Variants in SLC24A3 observed in about 807,000 individuals in gnomAD.
The protein encoded by SLC24A3 is solute carrier family 24 member 3.
Under a neutral mutation model 75.8 loss-of-function variants are expected in SLC24A3, and 28 were observed. The ratio of observed to expected loss-of-function variants is 0.37; its 90% CI spans 0.27 to 0.51. The LOEUF (loss-of-function observed/expected upper bound fraction) is 0.51. Ranked by LOEUF, SLC24A3 falls within the 20% of genes least tolerant of loss-of-function variation. The probability of loss-of-function intolerance (pLI) is 0.94; values close to 1 mark genes in which losing one functional copy is unlikely to be tolerated. For missense variants in SLC24A3, 663 were observed against 847.8 expected, an observed-to-expected ratio of 0.78 and a Z score of 2.71; for synonymous variants, 372 against 334.1, an observed-to-expected ratio of 1.11 and a Z score of -1.24.
At chr20:19,458,183 G>GCA (rs147616820) in intron 2 of SLC24A3, among the ~76,000 whole-genome samples, 9 of 150,980 alleles carry the variant, frequency 6.0e-5, no homozygotes, top group African/African-American at 1.7e-4. Flanking sequence ...CCCCTCACAT[G>GCA]CACACACACA....
intron 2 of SLC24A3, among the ~76,000 whole-genome samples, chr20:19,364,128 G>T (rs1444030377): frequency 6.6e-6 from 1 of 152,156 alleles, no homozygotes; most frequent in Non-Finnish European, 1.5e-5. Context: ...GGGGTGGTGG[G>T]TTTTATCGTT....
chr20:19,222,428 T>C (rs1330558321), intron 1 of SLC24A3, among the ~76,000 whole-genome samples: 1 of 152,208 alleles, frequency 6.6e-6, no homozygotes, highest in Admixed American at 6.5e-5. Context: ...ATCTCTGTTA[T>C]GCTATCTAAC....
At chr20:19,411,353 T>G (rs1003883333) in intron 2 of SLC24A3, among the ~76,000 whole-genome samples, 21 of 152,234 alleles carry the variant, frequency 1.4e-4, no homozygotes, top group African/African-American at 4.8e-4. Flanking sequence ...GTGGACTTTA[T>G]TTTTTCTAAC....
chr20:19,695,170 A>G (rs2122138496), intron 13 of SLC24A3, among the ~76,000 whole-genome samples: 1 of 152,244 alleles, frequency 6.6e-6, no homozygotes, highest in African/African-American at 2.4e-5. Context: ...TTTCACTCAC[A>G]TCCCCCCAAT....
intron 2 of SLC24A3, among the ~76,000 whole-genome samples, chr20:19,425,825 A>C (rs1986996939): frequency 6.6e-6 from 1 of 152,148 alleles, no homozygotes; most frequent in Non-Finnish European, 1.5e-5. Flanking sequence ...TTCCTTATGC[A>C]TGTTGGTGCT....
At position 19,644,218 on chromosome 20, in the gene SLC24A3, C is replaced by T. The variant is rs141736600; in HGVS notation, c.613-9844C>T. On this transcript the variant is annotated intron_variant, in intron 6 of 16. Transcript: ENST00000328041. ...TGCCTGCTGCATCGCGTCCAGATCCCACTTCTCACGGGGAGGGCCGTGGAC... is the reference window on the plus strand; with the variant it reads ...TGCCTGCTGCATCGCGTCCAGATCCTACTTCTCACGGGGAGGGCCGTGGAC... Among the ~76,000 whole-genome samples, 380 of 152,302 alleles carry T rather than the reference C, an allele frequency of 2.5e-3. 1 individual carries two copies. The highest frequency in any genetic ancestry group is 8.8e-3 in the African/African-American group (364 of 41,568).
At chr20:19,571,189 G>T (rs567989115) in intron 3 of SLC24A3, among the ~76,000 whole-genome samples, 1 of 152,262 alleles carries the variant, frequency 6.6e-6, no homozygotes, top group South Asian at 2.1e-4. Flanking sequence ...GCTGGATGAG[G>T]TCCATTGTCC....
chr20:19,673,721 G>T (rs1419541393), intron 9 of SLC24A3, 67 bp downstream of exon 9: 1 of 1,367,948 alleles, frequency 7.3e-7, no homozygotes, highest in Non-Finnish European at 1.0e-6. Flanking sequence ...GATGATGTGG[G>T]AAGAGGATTG....
Position 19,558,273 on chromosome 20 carries a change from G to A in SLC24A3, c.349-21727G>A, listed in dbSNP as rs952265351. Among the ~76,000 whole-genome samples the A allele has an allele frequency of 1.2e-4, 18 of 151,718 alleles. 1 individual carries two copies. Among genetic ancestry groups the A allele is most frequent in the South Asian group, 8.3e-4 (4 of 4,800 alleles). The stretch of plus-strand genomic sequence containing the variant: ...TTTTTTATTTTTGAGACAGAGTCTC[G>A]CTCTGTCACCCAGGCTGGGGTGCAG... On this transcript the variant is annotated intron_variant, in intron 3 of 16. Transcript: ENST00000328041.
intron 3 of SLC24A3, among the ~76,000 whole-genome samples, chr20:19,568,594 A>G (rs1409690596): frequency 1.3e-5 from 2 of 152,192 alleles, no homozygotes; most frequent in Non-Finnish European, 2.9e-5. Flanking sequence ...GTTACCAGAG[A>G]CTAAGGAGAA....
At chr20:19,497,972 C>T (rs1037033144) in intron 2 of SLC24A3, among the ~76,000 whole-genome samples, 5 of 152,100 alleles carry the variant, frequency 3.3e-5, no homozygotes, top group East Asian at 1.9e-4. Context: ...AAGCTTCATC[C>T]GTATTTACAG....
At chr20:19,577,396 T>C (rs1452979469) in intron 3 of SLC24A3, among the ~76,000 whole-genome samples, 1 of 152,184 alleles carries the variant, frequency 6.6e-6, no homozygotes, top group Non-Finnish European at 1.5e-5. Flanking sequence ...AATAATTTTG[T>C]ACAGATTATG....
intron 6 of SLC24A3, among the ~76,000 whole-genome samples, chr20:19,591,353 C>T (rs1318922700): frequency 6.6e-6 from 1 of 152,132 alleles, no homozygotes; most frequent in African/African-American, 2.4e-5. Context: ...CTCTAACTGG[C>T]TTCTTAAATG....
intron 1 of SLC24A3, chr20:19,243,955 C>T (rs1982408968): frequency 6.6e-6 from 1 of 152,168 alleles, no homozygotes; most frequent in Admixed American, 6.5e-5. Context: ...GAGGTTTCCA[C>T]CTGAATGTTC....
In SLC24A3 at chr20:19,671,647, GTTTTT is replaced by G. The variant is rs531098573; in HGVS notation, c.714-1951_714-1947del. ...AAAGCCCAGGGTTGGTTTTTTTTTT[GTTTTT>G]TTGTTTTTTTGTTTTTTTGTTTTAA... On this transcript the variant is annotated intron_variant, in intron 8 of 16. Transcript: ENST00000328041. 5.2e-3 allele frequency among the ~76,000 whole-genome samples: 542 copies of G among 103,822 alleles called. 2 individuals carry two copies. Among genetic ancestry groups the G allele is most frequent in the African/African-American group, 0.019 (485 of 25,092 alleles). The allele number at this position is 103,822 out of a possible 152,430, so 68.1% of individuals were successfully genotyped here. A position where few individuals can be genotyped will look rare whatever the true frequency, so the allele number is the denominator to read the frequency against.
chr20:19,573,583 A>G (rs2031086532), intron 3 of SLC24A3, among the ~76,000 whole-genome samples: 1 of 152,224 alleles, frequency 6.6e-6, no homozygotes, highest in Non-Finnish European at 1.5e-5. Flanking sequence ...ATACAGAAGG[A>G]GCTGATTTCA....
intron 2 of SLC24A3, among the ~76,000 whole-genome samples, chr20:19,498,902 T>C (rs1216709125): frequency 6.6e-6 from 1 of 152,362 alleles, no homozygotes; most frequent in African/African-American, 2.4e-5. Flanking sequence ...CCTGGCACTC[T>C]CTTGGCGTGT....
At chr20:19,497,618 G>C (rs1006639310) in intron 2 of SLC24A3, among the ~76,000 whole-genome samples, 2 of 152,164 alleles carry the variant, frequency 1.3e-5, no homozygotes, top group East Asian at 1.9e-4. Flanking sequence ...ACTAAACCAC[G>C]TCTAATGTTG....
chr20:19,261,285 C>T (rs1397479157), intron 1 of SLC24A3, among the ~76,000 whole-genome samples: 2 of 152,250 alleles, frequency 1.3e-5, no homozygotes, highest in African/African-American at 4.8e-5. Flanking sequence ...GGACAATGGA[C>T]CCCCAAGAAG....
Sources: allele counts gnomAD v4.1 joint callset (sites outside exome capture counted in the v4.1 genomes callset), GRCh38; gene constraint gnomAD v4.1.1; transcripts MANE v1.5; gene names NCBI Gene and HGNC (gene_info 2026-07-23, HGNC 2026-07-21).